The following SUMF1 variants were observed in gnomAD, a reference collection of about 807,000 sequenced individuals.
SUMF1 encodes the protein sulfatase modifying factor 1.
Under a neutral mutation model 47.6 loss-of-function variants are expected in SUMF1, and 48 were observed. That is an observed-to-expected ratio of 1.01 (90% CI 0.80 to 1.28). The LOEUF (loss-of-function observed/expected upper bound fraction) is 1.28, where lower values mean the gene tolerates loss of function less well. Among genes scored for constraint, SUMF1 ranks in the 50% most tolerant of loss-of-function variants. The probability of loss-of-function intolerance (pLI) is 0.00; values close to 1 mark genes in which losing one functional copy is unlikely to be tolerated. For missense variants in SUMF1, 571 were observed against 485.4 expected (o/e 1.18, Z -1.66); for synonymous variants, 230 against 192.1 (o/e 1.20, Z -1.63).
At chr3:4,370,772 C>T (rs1688395) in intron 8 of SUMF1, among the ~76,000 whole-genome samples, 97,087 of 152,140 alleles carry the variant, frequency 0.64, 32,824 homozygotes, top group East Asian at 0.78. Context: ...GCATGATGAT[C>T]TTATTTTCAT....
intron 8 of SUMF1, among the ~76,000 whole-genome samples, chr3:4,142,637 T>C (rs1694098517): frequency 6.6e-6 from 1 of 152,094 alleles, no homozygotes; most frequent in African/African-American, 2.4e-5. Flanking sequence ...AATCATCATT[T>C]TATGTGTTTG....
chr3:4,409,548 A>G (rs1701478058), intron 7 of SUMF1, among the ~76,000 whole-genome samples: 1 of 152,196 alleles, frequency 6.6e-6, no homozygotes, highest in Non-Finnish European at 1.5e-5. Flanking sequence ...CCCCCTTCCA[A>G]GCATGCAGAT....
intron 8 of SUMF1, among the ~76,000 whole-genome samples, chr3:4,334,062 T>C (rs992254572): frequency 1.3e-5 from 2 of 151,644 alleles, no homozygotes; most frequent in Non-Finnish European, 2.9e-5. Flanking sequence ...CAGAAGAGCA[T>C]GGCTACAGTG....
chr3:4,323,860 A>C lies in SUMF1; in HGVS notation c.1014+52470T>G, dbSNP rs187909364. Among the ~76,000 whole-genome samples the C allele has an allele frequency of 1.5e-3, 235 of 152,246 alleles. 3 individuals are homozygous for C. The highest frequency in any genetic ancestry group is 4.6e-4 in the Non-Finnish European group (31 of 68,012). On this transcript the variant is annotated intron_variant and NMD_transcript_variant, in intron 8 of 12. Coordinates refer to the SUMF1 transcript ENST00000448413. ...AGAAGTGCTCAGTCAGATAGATAAG[A>C]GATAGATTAATTAACCTGACAGCTC...
chr3:4,406,244 T>G (rs1042836121), intron 7 of SUMF1, among the ~76,000 whole-genome samples: 2 of 152,230 alleles, frequency 1.3e-5, no homozygotes, highest in Non-Finnish European at 2.9e-5. Context: ...TCCAGTATAA[T>G]TATTTCTAAT....
intron 8 of SUMF1, among the ~76,000 whole-genome samples, chr3:4,256,191 T>A (rs1696950271): frequency 1.2e-5 from 1 of 81,482 alleles, no homozygotes; most frequent in Non-Finnish European, 2.4e-5. Flanking sequence ...CACCCTAACA[T>A]CACAATTAAA....
intron 8 of SUMF1, among the ~76,000 whole-genome samples, chr3:4,104,758 C>T (rs968072324): frequency 6.6e-6 from 1 of 151,834 alleles, no homozygotes; most frequent in Non-Finnish European, 1.5e-5. Flanking sequence ...TTTCCTTTAA[C>T]CTTTCCAGGC....
At position 4,438,751 on chromosome 3, in the gene SUMF1, A is replaced by C. The variant is rs559054733; in HGVS notation, c.519+10515T>G. ...CTCAGCAATTACTAAGATCAAGCAG[A>C]AGGGAAAAATTAGTAAGGATATAGA... On this transcript the variant is annotated intron_variant, in intron 3 of 8. Coordinates refer to ENST00000272902, the MANE Select transcript of SUMF1 (RefSeq NM_182760.4). Among the ~76,000 whole-genome samples the C allele has an allele frequency of 1.8e-4, 27 of 152,306 alleles. 2 individuals carry two copies. In the South Asian group the frequency reaches 5.6e-3, roughly 32 times the overall value.
At chr3:4,099,874 C>T (rs548076417) in intron 8 of SUMF1, among the ~76,000 whole-genome samples, 1 of 151,210 alleles carries the variant, frequency 6.6e-6, no homozygotes, top group South Asian at 2.1e-4. Context: ...AAAAAAAATA[C>T]ATAGGTGTAA....
chr3:4,303,639 A>G (rs1575067274), intron 8 of SUMF1: 1 of 1,420,482 alleles, frequency 7.0e-7, no homozygotes, highest in Non-Finnish European at 9.2e-7. Context: ...CTTCTCTTAC[A>G]GCGCACCCGT....
rs573152852 is a variant in SUMF1 at position 4,362,719 on chromosome 3, C to T, written c.1015-465G>A. ...GGAGAACTGTTTGAGGCCAGGAGCT[C>T]GAGGCCAGCCTGGGCAACACAGCAA... On this transcript the variant is annotated intron_variant, in intron 8 of 8. Coordinates refer to ENST00000272902, the MANE Select transcript of SUMF1 (RefSeq NM_182760.4). 2.1e-4 allele frequency among the ~76,000 whole-genome samples: 32 copies of T among 152,156 alleles called. 1 individual carries two copies. The highest frequency in any genetic ancestry group is 7.5e-4 in the African/African-American group (31 of 41,520).
At chr3:4,079,242 C>T (rs553893588) in intron 8 of SUMF1, among the ~76,000 whole-genome samples, 6 of 152,082 alleles carry the variant, frequency 3.9e-5, no homozygotes, top group Non-Finnish European at 7.3e-5. Context: ...GCTAACACCT[C>T]GCTTCAATCC....
At chr3:4,125,963 C>T (rs1213947600) in intron 8 of SUMF1, among the ~76,000 whole-genome samples, 2 of 152,064 alleles carry the variant, frequency 1.3e-5, no homozygotes, top group African/African-American at 4.8e-5. Context: ...AGGCATGAGC[C>T]ACCATGCCCA....
At chr3:4,359,485 G>A (rs2125169404), downstream of SUMF1, among the ~76,000 whole-genome samples, 1 of 152,248 alleles carries the variant, frequency 6.6e-6, no homozygotes, top group East Asian at 1.9e-4. Context: ...GTCTCGCTTT[G>A]TTGCTGTTAT....
chr3:4,329,923 T>C (rs1699017411), intron 8 of SUMF1, among the ~76,000 whole-genome samples: 1 of 152,206 alleles, frequency 6.6e-6, no homozygotes, highest in South Asian at 2.1e-4. Flanking sequence ...GAACACTTTG[T>C]ATTTCTTAGA....
intron 8 of SUMF1, among the ~76,000 whole-genome samples, chr3:4,370,833 T>C (rs1431752029): frequency 6.6e-6 from 1 of 152,206 alleles, no homozygotes; most frequent in East Asian, 1.9e-4. Flanking sequence ...AAATGTTTTC[T>C]TTGAATAATG....
At chr3:4,450,874 A>T (rs1702946007) in intron 2 of SUMF1, among the ~76,000 whole-genome samples, 1 of 152,112 alleles carries the variant, frequency 6.6e-6, no homozygotes, top group Non-Finnish European at 1.5e-5. Flanking sequence ...TGAGTTTTCA[A>T]GGAATAGAAA....
Position 4,241,509 on chromosome 3 carries a change from C to G in SUMF1, c.1014+134821G>C, listed in dbSNP as rs1377267609. ...GAAGTTATCTCATCTGTTCATAATA[C>G]CAGCTGTGTCTCTTAACACAGAGTT... On this transcript the variant is annotated intron_variant and NMD_transcript_variant, in intron 8 of 12. Transcript: ENST00000448413. 3.9e-5 allele frequency among the ~76,000 whole-genome samples: 6 copies of G among 152,138 alleles called. No homozygotes were observed. The South Asian group carries it at 1.2e-3, about 32-fold the overall frequency.
chr3:4,057,559 A>G (rs544605272), intron 9 of SUMF1, among the ~76,000 whole-genome samples: 1 of 152,184 alleles, frequency 6.6e-6, no homozygotes, highest in East Asian at 1.9e-4. Flanking sequence ...CTAGCTGCCT[A>G]TCTGGTCTTT....
Sources: allele counts gnomAD v4.1 joint callset (sites outside exome capture counted in the v4.1 genomes callset), GRCh38; gene constraint gnomAD v4.1.1; transcripts MANE v1.5; gene names NCBI Gene and HGNC (gene_info 2026-07-23, HGNC 2026-07-21).